GABRG3: variants seen among roughly 807,000 people sequenced by gnomAD.
The protein encoded by GABRG3 is gamma-aminobutyric acid type A receptor subunit gamma3, also known as gamma-aminobutyric acid receptor subunit gamma-3.
Under a neutral mutation model 48.8 loss-of-function variants are expected in GABRG3, and 25 were observed. The observed-to-expected ratio is 0.51, with a 90% CI of 0.37 to 0.72. The LOEUF (loss-of-function observed/expected upper bound fraction) is 0.72. Among genes scored for constraint, GABRG3 ranks in the 30% least tolerant of loss-of-function variants. The pLI is 0.00. For missense variants in GABRG3, 394 were observed against 577.9 expected, an observed-to-expected ratio of 0.68 and a Z score of 3.26; for synonymous variants, 227 against 217.6, an observed-to-expected ratio of 1.04 and a Z score of -0.38.
intron 3 of GABRG3, among the ~76,000 whole-genome samples, chr15:27,040,899 C>T (rs889034733): frequency 2.0e-5 from 3 of 152,210 alleles, no homozygotes; most frequent in Admixed American, 2.0e-4. Flanking sequence ...TTGTTCTGAA[C>T]GACTCTATCA....
intron 5 of GABRG3, among the ~76,000 whole-genome samples, chr15:27,388,189 AGGGT>A (rs1461903775): frequency 3.9e-5 from 3 of 76,366 alleles, no homozygotes; most frequent in Non-Finnish European, 4.8e-5. Flanking sequence ...GGAGGGAGGG[AGGGT>A]AAGGAAGGAA....
At chr15:27,508,997 G>T (rs1219527781) in intron 6 of GABRG3, among the ~76,000 whole-genome samples, 4 of 152,066 alleles carry the variant, frequency 2.6e-5, no homozygotes, top group Non-Finnish European at 4.4e-5. Context: ...GGGATTATAG[G>T]CTTGAGCCAC....
rs552713744 is a variant in GABRG3, at chr15:27,207,281, G to C, written c.271-119528G>C. On this transcript the variant is annotated intron_variant, in intron 3 of 9. Transcript: ENST00000615808. ...TGCAAATGATGGGGTTTTTAAATAGGCTGGACTTCAACACCTTGTTTTCTA... is the reference window on the plus strand; with the variant it reads ...TGCAAATGATGGGGTTTTTAAATAGCCTGGACTTCAACACCTTGTTTTCTA... Among the ~76,000 whole-genome samples, 5 of 152,212 alleles carry C rather than the reference G, an allele frequency of 3.3e-5. No homozygotes were observed. The South Asian group carries it at 8.3e-4, about 25-fold the overall frequency.
chr15:27,024,236 A>G (rs1355881184), intron 2 of GABRG3, among the ~76,000 whole-genome samples: 2 of 152,156 alleles, frequency 1.3e-5, no homozygotes, highest in East Asian at 3.9e-4. Flanking sequence ...CAATTTACAA[A>G]TATTTTCTCC....
At chr15:27,446,557 GAA>G (rs199681305) in intron 5 of GABRG3, among the ~76,000 whole-genome samples, 1 of 151,540 alleles carries the variant, frequency 6.6e-6, no homozygotes, top group Non-Finnish European at 1.5e-5. Flanking sequence ...ATTTCTAGCA[GAA>G]AAAAAAATTT....
chr15:27,455,016 C>T (rs1889221944), intron 5 of GABRG3, among the ~76,000 whole-genome samples: 2 of 152,206 alleles, frequency 1.3e-5, no homozygotes, highest in Admixed American at 6.5e-5. Flanking sequence ...AGGCATCATT[C>T]GCATTTACTG....
intron 2 of GABRG3, among the ~76,000 whole-genome samples, chr15:26,990,827 C>T (rs1373166292): frequency 2.9e-5 from 4 of 137,172 alleles, no homozygotes; most frequent in African/African-American, 5.6e-5. Flanking sequence ...TTTTTTAAGA[C>T]AGAGTCTTGC....
At chr15:26,989,555 G>A (rs911447749) in intron 2 of GABRG3, among the ~76,000 whole-genome samples, 6 of 152,146 alleles carry the variant, frequency 3.9e-5, no homozygotes, top group Non-Finnish European at 7.4e-5. Context: ...TTTGGTACAA[G>A]CATGCAATGC....
intron 3 of GABRG3, among the ~76,000 whole-genome samples, chr15:27,324,436 C>G (rs1298020634): frequency 6.6e-6 from 1 of 152,214 alleles, no homozygotes; most frequent in Non-Finnish European, 1.5e-5. Flanking sequence ...AGCTCTAATT[C>G]TTTCCCTAGG....
chr15:27,497,211 T>C (rs571203142), intron 6 of GABRG3, among the ~76,000 whole-genome samples: 1 of 152,350 alleles, frequency 6.6e-6, no homozygotes, highest in East Asian at 1.9e-4. Flanking sequence ...AAGGTTGTTT[T>C]GCACTGGTTT....
At position 27,234,766 on chromosome 15, in the gene GABRG3, C is replaced by T. The variant is rs555572938; in HGVS notation, c.271-92043C>T. ...TATGGATGACTAAAGATTTTGACTC[C>T]TGTCCAGTGACCCTCTCTCATGAAT... is the stretch of plus-strand genomic sequence containing the variant. On this transcript the variant is annotated intron_variant, in intron 3 of 9. Transcript: ENST00000615808. Among the ~76,000 whole-genome samples, 3 of 152,264 alleles carry T rather than the reference C, an allele frequency of 2.0e-5. No individual in the cohort carries two copies. The South Asian group carries it at 6.2e-4, about 32-fold the overall frequency.
intron 3 of GABRG3, among the ~76,000 whole-genome samples, chr15:27,232,054 C>A (rs908913047): frequency 1.3e-5 from 2 of 152,138 alleles, no homozygotes; most frequent in Non-Finnish European, 2.9e-5. Flanking sequence ...TAGGCTCTCC[C>A]AGCTCTTCCA....
At chr15:27,245,390 A>G (rs910123108) in intron 3 of GABRG3, among the ~76,000 whole-genome samples, 7 of 152,240 alleles carry the variant, frequency 4.6e-5, no homozygotes, top group Admixed American at 3.9e-4. Flanking sequence ...CTAGTACTTA[A>G]TTAATTTTAG....
chr15:27,231,009 A>ATGTGTGTGTGTGTGTG (rs3068361), intron 3 of GABRG3, among the ~76,000 whole-genome samples: 2 of 143,406 alleles, frequency 1.4e-5, no homozygotes, highest in African/African-American at 5.1e-5. Flanking sequence ...AAACAGTAAA[A>ATGTGTGTGTGTGTGTG]TGTGTGTGTG....
At chr15:26,983,810 A>C (rs1357023557) in intron 2 of GABRG3, among the ~76,000 whole-genome samples, 4 of 152,180 alleles carry the variant, frequency 2.6e-5, no homozygotes, top group Non-Finnish European at 5.9e-5. Flanking sequence ...ATAAAGAGAC[A>C]AACCTCAAGC....
chr15:27,288,704 A>G (rs1215237779), intron 3 of GABRG3, among the ~76,000 whole-genome samples: 1 of 138,726 alleles, frequency 7.2e-6, no homozygotes, highest in Non-Finnish European at 1.6e-5. Context: ...CAAGAGCAAA[A>G]CTCCGTCTCA....
At chr15:27,169,569 G>A (rs906168535) in intron 3 of GABRG3, among the ~76,000 whole-genome samples, 4 of 151,962 alleles carry the variant, frequency 2.6e-5, no homozygotes, top group Non-Finnish European at 5.9e-5. Flanking sequence ...CTGTGCTGCC[G>A]ACATTTCCCA....
intron 3 of GABRG3, among the ~76,000 whole-genome samples, chr15:27,303,550 G>T (rs1347345539): frequency 1.3e-5 from 2 of 151,668 alleles, no homozygotes; most frequent in African/African-American, 4.8e-5. Flanking sequence ...AATATTTAAA[G>T]AAATTAGACT....
At chr15:27,470,251 T>G (rs969772721) in intron 5 of GABRG3, among the ~76,000 whole-genome samples, 3 of 151,900 alleles carry the variant, frequency 2.0e-5, no homozygotes, top group Non-Finnish European at 4.4e-5. Context: ...TCTCTTTTTT[T>G]TTTTCTTGAG....
Sources: gnomAD v4.1 joint callset for allele counts (sites outside exome capture counted in the v4.1 genomes callset) on GRCh38, gnomAD v4.1.1 for gene constraint, MANE v1.5 for transcripts, NCBI Gene and HGNC (gene_info 2026-07-23, HGNC 2026-07-21) for gene names.